Variants in HIF3A observed in about 807,000 individuals in gnomAD.
HIF3A encodes the protein hypoxia inducible factor 3 subunit alpha, also known as hypoxia-inducible factor 3-alpha.
Under a neutral mutation model 67.2 loss-of-function variants are expected in HIF3A, and 41 were observed. The observed-to-expected ratio is 0.61, with a 90% CI of 0.48 to 0.79. The LOEUF (loss-of-function observed/expected upper bound fraction) is 0.79. Ranked by LOEUF, HIF3A falls within the 30% of genes least tolerant of loss-of-function variation. HIF3A has a pLI of 0.00. For synonymous variants in HIF3A, 356 were observed against 374.8 expected, an observed-to-expected ratio of 0.95 and a Z score of 0.58; for missense variants, 855 against 898.0, an observed-to-expected ratio of 0.95 and a Z score of 0.61.
At chr19:46,331,449 A>C in intron 13 of HIF3A, 176 bp downstream of exon 13, 1 of 424,050 alleles carries the variant, frequency 2.4e-6, no homozygotes, top group Non-Finnish European at 4.4e-6. Context: ...GGTATTAAAA[A>C]CCTCTGCAGT....
rs1241233105 is a variant in HIF3A at position 46,309,372 on chromosome 19, C to A, written c.770+13C>A. 3 of 1,577,692 alleles carry A rather than the reference C, an allele frequency of 1.9e-6. No individual in the cohort carries two copies. Among genetic ancestry groups the A allele is most frequent in the Admixed American group, 1.8e-5 (1 of 55,784 alleles). On this transcript the variant is annotated intron_variant, in intron 6 of 14. Coordinates refer to ENST00000377670, the MANE Select transcript of HIF3A (RefSeq NM_152795.4). ...ACTGTGACGACAGGTGGGCAGGGGC[C>A]CCCTCTTCCGTCTGCCCAAGTTCAA... is the stretch of plus-strand genomic sequence containing the variant.
chr19:46,310,204 A>G (rs8106623), intron 6 of HIF3A, among the ~76,000 whole-genome samples: 34,260 of 152,004 alleles, frequency 0.23, 4,285 homozygotes, highest in East Asian at 0.34. Flanking sequence ...CAGCCTAGGC[A>G]ACAGAACAAG....
At position 46,343,350 on chromosome 19, in the gene HIF3A, G is replaced by C. The variant is rs1278463915; in HGVS notation, c.*3728G>C. On this transcript the variant is annotated 3_prime_UTR_variant, in exon 15 of 15. Coordinates refer to ENST00000377670, the MANE Select transcript of HIF3A (RefSeq NM_152795.4). Reference sequence around the variant, plus strand: ...AGGGAATTGTGCTGGGCTAGGGAAAGGGGAGGGACTAGACTGGCCACACTG... The same window carrying C: ...AGGGAATTGTGCTGGGCTAGGGAAACGGGAGGGACTAGACTGGCCACACTG... The C allele has an allele frequency of 2.6e-5, 4 of 152,812 alleles. No homozygotes were observed. Among genetic ancestry groups the C allele is most frequent in the Non-Finnish European group, 5.9e-5 (4 of 68,206 alleles). The allele number at this position is 152,812 out of a possible 1,614,324, so 9.5% of individuals were successfully genotyped here. A position where few individuals can be genotyped will look rare whatever the true frequency, so the allele number is the denominator to read the frequency against.
intron 1 of HIF3A, among the ~76,000 whole-genome samples, chr19:46,301,624 G>A (rs915739908): frequency 2.6e-5 from 4 of 151,946 alleles, no homozygotes; most frequent in African/African-American, 4.8e-5. Context: ...TCAAGAGTTC[G>A]AGAGCAGCCT....
chr19:46,304,085 G>T lies in HIF3A; in HGVS notation c.214G>T (p.Ala72Ser). 1.9e-6 allele frequency: 3 copies of T among 1,561,296 alleles called. No individual in the cohort carries two copies. The highest frequency in any genetic ancestry group is 2.6e-6 in the Non-Finnish European group (3 of 1,154,996). ...CCTGCGCATGCACCGCCTCTGCGCC[G>T]CAGGTGAGCCCCGCCCGCGGGAATT... is the stretch of plus-strand genomic sequence containing the variant. ...SYLRMHRLCA[A>S]GEWNQVGAGG... Residue 72 changes from alanine (A) to serine (S), a missense_variant, in exon 2 of 15, where the codon GCA (alanine) becomes TCA (serine). By Grantham distance (99) the Ala-to-Ser change is moderately conservative. This residue lies in a region of HIF3A where 638 missense variants were observed against 660.5 expected (regional missense o/e 0.97). Coordinates refer to ENST00000377670, the MANE Select transcript of HIF3A (RefSeq NM_152795.4).
Position 46,321,931 on chromosome 19 carries a change from C to T in HIF3A, c.1300C>T (p.Pro434Ser), listed in dbSNP as rs1970402942. The T allele has an allele frequency of 1.2e-6, 2 of 1,614,048 alleles. No homozygotes were observed. Among genetic ancestry groups the T allele is most frequent in the Non-Finnish European group, 1.7e-6 (2 of 1,180,030 alleles). The change falls in exon 10 of 15, where the codon CCG becomes TCG. Residue 434 changes from proline (P) to serine (S), a missense_variant. By Grantham distance (74) the Pro-to-Ser change is moderately conservative. Around this residue, in one of 3 missense-constraint regions of HIF3A, gnomAD observed 638 missense variants for 660.5 expected, o/e 0.97. Coordinates refer to ENST00000377670, the MANE Select transcript of HIF3A (RefSeq NM_152795.4). ...TTCAGTAGCAGCCACTCCCAGCACC[C>T]CGCTGGCCACACGGCACCCCCAAAG... is the stretch of plus-strand genomic sequence containing the variant. ...GASVAATPST[P>S]LATRHPQSPL...
At chr19:46,338,721 C>T (rs559690105) in intron 14 of HIF3A, among the ~76,000 whole-genome samples, 2 of 152,248 alleles carry the variant, frequency 1.3e-5, no homozygotes, top group Admixed American at 1.3e-4. Context: ...AACTGAGGCA[C>T]AGAGAGATGA....
chr19:46,330,791 G>T (rs1436794189), intron 12 of HIF3A, among the ~76,000 whole-genome samples: 1 of 150,956 alleles, frequency 6.6e-6, no homozygotes, highest in Non-Finnish European at 1.5e-5. Context: ...TGGATGGATG[G>T]ATGGATGGAT....
Position 46,325,681 on chromosome 19 carries a change from T to G in HIF3A, c.1440+42T>G, listed in dbSNP as rs1472574479. 3 of 1,344,668 alleles carry G rather than the reference T, an allele frequency of 2.2e-6. No homozygotes were observed. The South Asian group carries it at 3.5e-5, about 16-fold the overall frequency. The allele number at this position is 1,344,668 out of a possible 1,614,324, so 83.3% of individuals were successfully genotyped here. A position where few individuals can be genotyped will look rare whatever the true frequency, so the allele number is the denominator to read the frequency against. On this transcript the variant is annotated intron_variant, in intron 11 of 14. Transcript: ENST00000377670. ...AAGGGAGTAATCCTCAGCCCTGTGT[T>G]CTGGGGATTCACATATGTGGCTTTA... is the stretch of plus-strand genomic sequence containing the variant.
chr19:46,320,590 G>A, intron 9 of HIF3A, 29 bp downstream of exon 9: 1 of 1,565,322 alleles, frequency 6.4e-7, no homozygotes. Flanking sequence ...GCCGGGAGGG[G>A]TTGTGTCCCC....
chr19:46,327,368 T>C (rs1456640247), intron 11 of HIF3A, among the ~76,000 whole-genome samples: 1 of 151,180 alleles, frequency 6.6e-6, no homozygotes, highest in Non-Finnish European at 1.5e-5. Context: ...CAAGCTGGAA[T>C]TCAGTGACGC....
chr19:46,324,931 C>CAT (rs1433271153), intron 10 of HIF3A, among the ~76,000 whole-genome samples: 191 of 140,266 alleles, frequency 1.4e-3, no homozygotes, highest in African/African-American at 4.3e-3. Flanking sequence ...TATATATACA[C>CAT]ATATATATAT....
At chr19:46,314,756 A>G (rs35609178) in intron 8 of HIF3A, among the ~76,000 whole-genome samples, 3,191 of 146,268 alleles carry the variant, frequency 0.022, 314 homozygotes, top group Middle Eastern at 0.076. Flanking sequence ...TCGGGGTTTC[A>G]CCATGTTGGC....
Position 46,305,382 on chromosome 19 carries a change from C to T in HIF3A, c.355C>T (p.Leu119Phe), listed in dbSNP as rs755859205. ...LSENVSKHLG[L>F]SQLELIGHSI... is the part of the protein sequence containing the mutation. Reference sequence around the variant, plus strand: ...GGAGAATGTCAGCAAACACCTGGGCCTCAGTCAGGTGAGAGGAGCTCCTTG... The same window carrying T: ...GGAGAATGTCAGCAAACACCTGGGCTTCAGTCAGGTGAGAGGAGCTCCTTG... The change falls in exon 3 of 15, where the codon CTC (leucine) becomes TTC (phenylalanine). Residue 119 changes from leucine (L) to phenylalanine (F), a missense_variant. Physicochemically the swap from Leu to Phe is conservative, Grantham distance 22 (BLOSUM62 0). Around this residue, in one of 3 missense-constraint regions of HIF3A, gnomAD observed 638 missense variants for 660.5 expected, o/e 0.97. Transcript: ENST00000377670. 122 of 1,613,776 alleles carry T rather than the reference C, an allele frequency of 7.6e-5. No homozygotes were observed. The highest frequency in any genetic ancestry group is 1.0e-4 in the Non-Finnish European group (119 of 1,179,978).
Position 46,309,178 on chromosome 19 carries a change from G to T in HIF3A, c.589G>T (p.Ala197Ser), listed in dbSNP as rs1601235959. ...GCTGAACTGCTCTGGACATATGAGG[G>T]CCTACAAGCCACCTGCGCAGACTTC... ...KVLNCSGHMRAYKPPAQTSPA... is the reference protein window; with the variant it reads ...KVLNCSGHMRSYKPPAQTSPA... The change falls in exon 6 of 15, where the codon GCC (alanine) becomes TCC (serine). Residue 197 changes from alanine (A) to serine (S), a missense_variant. Physicochemically the swap from Ala to Ser is moderately conservative, Grantham distance 99. Transcript: ENST00000377670. 4 of 1,614,038 alleles carry T rather than the reference G, an allele frequency of 2.5e-6. No individual in the cohort carries two copies. In the East Asian group the frequency reaches 6.7e-5, roughly 27 times the overall value.
At chr19:46,330,830 T>G (rs1971159151) in intron 12 of HIF3A, among the ~76,000 whole-genome samples, 1 of 142,478 alleles carries the variant, frequency 7.0e-6, no homozygotes. Context: ...AGACAGATGG[T>G]GGATGGATGG....
intron 3 of HIF3A, among the ~76,000 whole-genome samples, chr19:46,307,647 C>A (rs943691436): frequency 6.6e-6 from 1 of 151,800 alleles, no homozygotes; most frequent in Non-Finnish European, 1.5e-5. Context: ...ACTCGGGAGG[C>A]TGAGGTGGGA....
chr19:46,317,514 C>T (rs1601286815), intron 8 of HIF3A, among the ~76,000 whole-genome samples: 1 of 152,254 alleles, frequency 6.6e-6, no homozygotes, highest in South Asian at 2.1e-4. Flanking sequence ...ATCTCAGGGC[C>T]TTTGCACAGG....
intron 8 of HIF3A, 119 bp from the exon 9 acceptor site, chr19:46,320,324 G>A: frequency 1.4e-6 from 1 of 705,186 alleles, no homozygotes; most frequent in Middle Eastern, 2.5e-4. Flanking sequence ...TCTGCAAAAT[G>A]CCCTCCAAGC....
Sources: gnomAD v4.1 joint callset for allele counts (sites outside exome capture counted in the v4.1 genomes callset) on GRCh38, gnomAD v4.1.1 for gene constraint, gnomAD v4.1.1 regional missense constraint, MANE v1.5 for transcripts, NCBI Gene and HGNC (gene_info 2026-07-23, HGNC 2026-07-21) for gene names.